COL4A6: variants seen among roughly 807,000 people sequenced by gnomAD.
COL4A6 encodes the protein collagen type IV alpha 6 chain, also known as collagen alpha-6(IV) chain.
Under a neutral mutation model 126.7 loss-of-function variants are expected in COL4A6, and 59 were observed. The ratio of observed to expected loss-of-function variants is 0.47; its 90% CI spans 0.38 to 0.58. The LOEUF is 0.58. COL4A6 is among the 20% of genes least tolerant of loss of function. The pLI, the probability that COL4A6 is intolerant of heterozygous loss-of-function variation, is 0.00. For synonymous variants in COL4A6, 547 were observed against 496.6 expected (o/e 1.10, Z -1.35); for missense variants, 1,285 against 1,337.3 (o/e 0.96, Z 0.61).
chrX:108,182,198 A>T (rs2034707832), intron 23 of COL4A6, among the ~76,000 whole-genome samples: 2 of 112,640 alleles, frequency 1.8e-5, no homozygotes, highest in African/African-American at 6.5e-5. Flanking sequence ...CAAAATGGGA[A>T]CTACTTCTAC....
rs1253042256 is a variant in COL4A6 at position 108,163,230 on chromosome X, G to A, written c.4070-192C>T. 7.6e-6 allele frequency: 3 copies of A among 392,368 alleles called. No homozygotes were observed. The Admixed American group carries it at 1.7e-4, about 23-fold the overall frequency. The allele number at this position is 392,368 out of a possible 1,213,427, so 32.3% of individuals were successfully genotyped here. A position where few individuals can be genotyped will look rare whatever the true frequency, so the allele number is the denominator to read the frequency against. On this transcript the variant is annotated intron_variant, in intron 40 of 44. Coordinates refer to ENST00000334504, the MANE Select transcript of COL4A6 (RefSeq NM_033641.4). ...TTATCCATCTCTCTCCCCAGTGGTT[G>A]GGTAGCTCCAAGAGGGCAGGAACTG... is the stretch of plus-strand genomic sequence containing the variant.
chrX:108,206,513 C>T lies in COL4A6; in HGVS notation c.609+5G>A. ...GATCACAAACTAGGCTTAAATTGAT[C>T]TTACTTGTAATCCTGGTGGTCCTGC... is the stretch of plus-strand genomic sequence containing the variant. On this transcript the variant is annotated splice_donor_5th_base_variant and intron_variant, in intron 9 of 44. Coordinates refer to ENST00000334504, the MANE Select transcript of COL4A6 (RefSeq NM_033641.4). 8.3e-7 allele frequency: 1 copy of T among 1,208,058 alleles called. No homozygotes were observed. Among genetic ancestry groups the T allele is most frequent in the Non-Finnish European group, 1.1e-6 (1 of 892,436 alleles).
At chrX:108,287,907 A>C (rs1305743357) in intron 3 of COL4A6, among the ~76,000 whole-genome samples, 1 of 111,732 alleles carries the variant, frequency 8.9e-6, no homozygotes, top group Non-Finnish European at 1.9e-5. Context: ...AGCTGGGGTC[A>C]TCATAGGGCT....
chrX:108,229,757 C>T (rs940595926), intron 3 of COL4A6, among the ~76,000 whole-genome samples: 1 of 112,050 alleles, frequency 8.9e-6, no homozygotes, highest in Non-Finnish European at 1.9e-5. Context: ...TGACTTAGGG[C>T]ACCTCTCCTT....
chrX:108,196,265 A>G (rs2035211272), intron 14 of COL4A6, among the ~76,000 whole-genome samples: 1 of 111,017 alleles, frequency 9.0e-6, no homozygotes. Context: ...ATGATACATG[A>G]GAGCAAGGAG....
chrX:108,394,395 G>T (rs191851100), intron 2 of COL4A6, among the ~76,000 whole-genome samples: 140 of 109,898 alleles, frequency 1.3e-3, no homozygotes, highest in Middle Eastern at 4.6e-3. Flanking sequence ...TGCACATTCT[G>T]CACATGTACC....
At chrX:108,438,697 C>T (rs757430067), upstream of COL4A6, among the ~76,000 whole-genome samples, 2 of 112,883 alleles carry the variant, frequency 1.8e-5, no homozygotes, top group East Asian at 2.8e-4. Context: ...CAGATGGGCC[C>T]GAAAGTGCCC....
intron 2 of COL4A6, among the ~76,000 whole-genome samples, chrX:108,422,750 G>A (rs967562555): frequency 8.9e-6 from 1 of 111,945 alleles, no homozygotes; most frequent in Non-Finnish European, 1.9e-5. Context: ...TTGAATGGGA[G>A]CCTCAACCTA....
At chrX:108,379,576 A>G (rs1029490178) in intron 2 of COL4A6, among the ~76,000 whole-genome samples, 1 of 105,861 alleles carries the variant, frequency 9.4e-6, no homozygotes, top group Admixed American at 1.0e-4. Flanking sequence ...CCTTACCTAA[A>G]CTCTTCTAAA....
intron 3 of COL4A6, among the ~76,000 whole-genome samples, chrX:108,292,133 G>T (rs924447909): frequency 8.0e-5 from 9 of 111,918 alleles, no homozygotes; most frequent in Non-Finnish European, 1.9e-5. Flanking sequence ...TCCTTGGTCT[G>T]AAACATAATT....
At chrX:108,276,340 T>C (rs1356134369) in intron 3 of COL4A6, among the ~76,000 whole-genome samples, 2 of 112,770 alleles carry the variant, frequency 1.8e-5, no homozygotes, top group Non-Finnish European at 3.7e-5. Context: ...AATTGACATT[T>C]AGCTGGTAAA....
chrX:108,320,126 G>T (rs1477228667), intron 2 of COL4A6, among the ~76,000 whole-genome samples: 2 of 111,693 alleles, frequency 1.8e-5, no homozygotes, highest in Non-Finnish European at 3.8e-5. Context: ...CAAGAATCAA[G>T]GTTATCAACT....
intron 3 of COL4A6, among the ~76,000 whole-genome samples, chrX:108,223,376 T>A (rs1471206568): frequency 8.9e-6 from 1 of 111,758 alleles, no homozygotes; most frequent in Non-Finnish European, 1.9e-5. Context: ...ACTTGAAGTA[T>A]AATTTTTTTA....
chrX:108,163,601 A>C (rs914011500), intron 40 of COL4A6: 1 of 112,723 alleles, frequency 8.9e-6, no homozygotes, highest in African/African-American at 3.2e-5. Flanking sequence ...ATTTATGGAG[A>C]TTATGGTCTG....
intron 14 of COL4A6, 68 bp from the exon 15 acceptor site, chrX:108,195,194 T>C (rs1038475798): frequency 1.2e-6 from 1 of 845,724 alleles, no homozygotes; most frequent in Non-Finnish European, 1.7e-6. Context: ...TAGACTTATA[T>C]AACAAAGTTA....
intron 6 of COL4A6, among the ~76,000 whole-genome samples, chrX:108,213,003 A>T (rs1314503534): frequency 3.6e-5 from 4 of 111,493 alleles, no homozygotes; most frequent in African/African-American, 1.3e-4. Context: ...TAACCCACTT[A>T]TCTCATCCTA....
chrX:108,283,071 A>G (rs1397903004), intron 3 of COL4A6, among the ~76,000 whole-genome samples: 2 of 105,775 alleles, frequency 1.9e-5, no homozygotes, highest in Non-Finnish European at 3.9e-5. Context: ...TGGGTGCAGC[A>G]CACCAGCATG....
intron 25 of COL4A6, 33 bp downstream of exon 25, chrX:108,180,482 G>A (rs1569335985): frequency 5.5e-6 from 6 of 1,095,258 alleles, no homozygotes; most frequent in Non-Finnish European, 7.5e-6. Context: ...TACACACAAA[G>A]AGAAGCAGGT....
intron 2 of COL4A6, among the ~76,000 whole-genome samples, chrX:108,332,705 G>GT (rs981179163): frequency 5.1e-4 from 53 of 104,009 alleles, no homozygotes; most frequent in South Asian, 8.2e-4. Flanking sequence ...TTATTTGTTA[G>GT]TTTTTTTTTT....
Sources: gnomAD v4.1 joint callset for allele counts (sites outside exome capture counted in the v4.1 genomes callset) on GRCh38, gnomAD v4.1.1 for gene constraint, MANE v1.5 for transcripts, NCBI Gene and HGNC (gene_info 2026-07-23, HGNC 2026-07-21) for gene names.